The following GDA variants were observed in gnomAD, a reference collection of about 807,000 sequenced individuals.
GDA encodes cytoplasmic PSD-95 interactor.
A neutral mutation model predicts 59.6 loss-of-function variants in GDA; 18 were observed. That is an observed-to-expected ratio of 0.30 (90% CI 0.21 to 0.45). The LOEUF is 0.45. GDA is among the 20% of genes least tolerant of loss of function. The pLI, the probability that GDA is intolerant of heterozygous loss-of-function variation, is 1.00. For missense variants in GDA, 427 were observed against 552.3 expected (o/e 0.77, Z 2.27); for synonymous variants, 201 against 201.1 (o/e 1.00, Z 0.00).
rs184193345 is a variant in GDA, at chr9:72,211,806, G to A, written c.472+1032G>A. On this transcript the variant is annotated intron_variant, in intron 4 of 13. Transcript: ENST00000358399. ...GTTTAACTAGAGGAGTGGATTCATC[G>A]CCTGGGGGCAGTGGGAGAAGAGGGT... is the stretch of plus-strand genomic sequence containing the variant. Among the ~76,000 whole-genome samples the A allele has an allele frequency of 8.5e-5, 13 of 152,312 alleles. No individual in the cohort carries two copies. In the East Asian group the frequency reaches 9.7e-4, roughly 11 times the overall value.
rs766409313 is a variant in GDA, at chr9:72,245,206, C to T, written c.1194C>T (p.Ile398=). ...AAGTGGGCAAGGAATTTGATGCCATCCTGATCAACCCCAAAGCATCCGACT... is the reference window on the plus strand; with the variant it reads ...AAGTGGGCAAGGAATTTGATGCCATTCTGATCAACCCCAAAGCATCCGACT... ...NFEVGKEFDA[I]LINPKASDSP... Residue 398 remains isoleucine (I), a synonymous_variant, in exon 12 of 14, where the codon ATC becomes ATT. Transcript: ENST00000358399. 4.3e-6 allele frequency: 7 copies of T among 1,611,948 alleles called. No individual in the cohort carries two copies. In the African/African-American group the frequency reaches 9.4e-5, roughly 22 times the overall value.
At chr9:72,252,430 T>C (rs1840766153), downstream of GDA, among the ~76,000 whole-genome samples, 1 of 152,190 alleles carries the variant, frequency 6.6e-6, no homozygotes, top group Non-Finnish European at 1.5e-5. Context: ...ATGTTCAGCC[T>C]TTTAGAAGCA....
Position 72,203,757 on chromosome 9 carries a change from T to C in GDA, c.384+1015T>C, listed in dbSNP as rs79867186. ...TCCACATCAACTGACCTAACCATCT[T>C]GCCAGTTTTTTTGGTCTTGCATCAT... On this transcript the variant is annotated intron_variant, in intron 3 of 13. Coordinates refer to ENST00000358399, the MANE Select transcript of GDA (RefSeq NM_004293.5). Among the ~76,000 whole-genome samples, 13 of 152,224 alleles carry C rather than the reference T, an allele frequency of 8.5e-5. No homozygotes were observed. In the East Asian group the frequency reaches 2.1e-3, roughly 25 times the overall value.
chr9:72,118,273 C>CAAAAAAAAAAAAA (rs373179585), intron 1 of GDA, among the ~76,000 whole-genome samples: 5 of 66,152 alleles, frequency 7.6e-5, no homozygotes, highest in African/African-American at 3.4e-4. Context: ...GACTCCACCT[C>CAAAAAAAAAAAAA]AAAAAAAAAA....
intron 6 of GDA, among the ~76,000 whole-genome samples, chr9:72,221,326 T>C (rs771582043): frequency 1.8e-4 from 28 of 152,208 alleles, no homozygotes; most frequent in Non-Finnish European, 3.8e-4. Flanking sequence ...AGAGCCTTAA[T>C]GTGGTGGCAG....
chr9:72,148,227 T>TAAACATGTATGGAA (rs2130680039), upstream of GDA, among the ~76,000 whole-genome samples: 1 of 152,200 alleles, frequency 6.6e-6, no homozygotes, highest in East Asian at 1.9e-4. Flanking sequence ...ATTTATTCAA[T>TAAACATGTATGGAA]AAACATGTAT....
chr9:72,161,818 C>T lies in GDA; in HGVS notation c.123+12136C>T, dbSNP rs73484242. Among the ~76,000 whole-genome samples, 559 of 152,246 alleles carry T rather than the reference C, an allele frequency of 3.7e-3. 8 individuals carry two copies. Among genetic ancestry groups the T allele is most frequent in the African/African-American group, 0.013 (528 of 41,530 alleles). Reference sequence around the variant, plus strand: ...TAGTACTTTACACAGAGCTTTTGCACAAAATTAGCATTCAATGCATGCTTT... The same window carrying T: ...TAGTACTTTACACAGAGCTTTTGCATAAAATTAGCATTCAATGCATGCTTT... On this transcript the variant is annotated intron_variant, in intron 1 of 13. Transcript: ENST00000358399.
chr9:72,190,214 G>T (rs1443356468), intron 1 of GDA, among the ~76,000 whole-genome samples: 2 of 151,994 alleles, frequency 1.3e-5, no homozygotes. Flanking sequence ...TGCAACCTCC[G>T]CCTCCCAGGT....
intron 1 of GDA, among the ~76,000 whole-genome samples, chr9:72,156,363 C>T (rs1827889544): frequency 6.6e-6 from 1 of 152,174 alleles, no homozygotes; most frequent in Admixed American, 6.5e-5. Flanking sequence ...ACCAGAAGTT[C>T]TCTCAGTCTA....
At chr9:72,192,806 C>T (rs1450995544) in intron 1 of GDA, among the ~76,000 whole-genome samples, 2 of 151,658 alleles carry the variant, frequency 1.3e-5, no homozygotes, top group African/African-American at 2.4e-5. Context: ...CTTGAACCCA[C>T]GAGGTGGAGG....
downstream of GDA, among the ~76,000 whole-genome samples, chr9:72,255,500 G>A (rs1840863130): frequency 6.6e-6 from 1 of 152,158 alleles, no homozygotes; most frequent in African/African-American, 2.4e-5. Context: ...GTTTTGGTCA[G>A]CAAGGTTGTG....
In GDA at chr9:72,251,587, G is replaced by A. The variant is rs2131894280; in HGVS notation, c.*3245G>A. On this transcript the variant is annotated 3_prime_UTR_variant, in exon 14 of 14. Coordinates refer to ENST00000358399, the MANE Select transcript of GDA (RefSeq NM_004293.5). ...ATGGGTAAACTAAGAAGTGTTATAG[G>A]CAATGACTTGAAATGGTTTTTAAAT... 6.6e-6 allele frequency: 1 copy of A among 152,190 alleles called. No individual in the cohort carries two copies. Among genetic ancestry groups the A allele is most frequent in the South Asian group, 2.1e-4 (1 of 4,828 alleles). 9.4% of individuals were successfully genotyped at this position (152,190 alleles called of 1,614,324 possible). A position where few individuals can be genotyped will look rare whatever the true frequency, so the allele number is the denominator to read the frequency against.
At chr9:72,128,977 T>TTG (rs1178173025) in intron 1 of GDA, among the ~76,000 whole-genome samples, 1 of 152,074 alleles carries the variant, frequency 6.6e-6, no homozygotes, top group Non-Finnish European at 1.5e-5. Flanking sequence ...TTTTCTTTTT[T>TTG]TTTTTGACAG....
intron 1 of GDA, among the ~76,000 whole-genome samples, chr9:72,177,579 A>G (rs1217071031): frequency 2.0e-5 from 3 of 152,136 alleles, no homozygotes; most frequent in Non-Finnish European, 2.9e-5. Flanking sequence ...ACTTTTGCAA[A>G]AGAAAAAAAA....
intron 1 of GDA, among the ~76,000 whole-genome samples, chr9:72,134,059 CG>C (rs1471331590): frequency 6.6e-6 from 1 of 151,988 alleles, no homozygotes; most frequent in East Asian, 1.9e-4. Context: ...GGACAAACAT[CG>C]GGAGGATCAT....
intron 2 of GDA, among the ~76,000 whole-genome samples, chr9:72,201,324 A>G (rs1325069530): frequency 6.6e-6 from 1 of 152,094 alleles, no homozygotes; most frequent in African/African-American, 2.4e-5. Context: ...GAGATGATGT[A>G]TGTAGAACGC....
chr9:72,247,394 T>G lies in GDA; in HGVS notation c.1267-12T>G. ...AATGAGTCTTTCTTATTACTTTTAT[T>G]TTCCATTTTAGGCTGTTATCCAGAA... On this transcript the variant is annotated splice_polypyrimidine_tract_variant and intron_variant, in intron 12 of 13. Coordinates refer to ENST00000358399, the MANE Select transcript of GDA (RefSeq NM_004293.5). 1 of 1,456,896 alleles carries G rather than the reference T, an allele frequency of 6.9e-7. No homozygotes were observed. Among genetic ancestry groups the G allele is most frequent in the East Asian group, 2.3e-5 (1 of 44,164 alleles). The allele number at this position is 1,456,896 out of a possible 1,614,324, so 90.2% of individuals were successfully genotyped here. A position where few individuals can be genotyped will look rare whatever the true frequency, so the allele number is the denominator to read the frequency against.
In GDA at chr9:72,239,159, C is replaced by T. The variant is rs1373628298; in HGVS notation, c.989-1993C>T. On this transcript the variant is annotated intron_variant, in intron 10 of 13. Transcript: ENST00000358399. ...GCAAGTTACTGTCACAGTGGAAATC[C>T]CTGGAAAAAAAGGCTTGACTCTTAC... Among the ~76,000 whole-genome samples, 3 of 152,062 alleles carry T rather than the reference C, an allele frequency of 2.0e-5. No homozygotes were observed. In the East Asian group the frequency reaches 5.8e-4, roughly 29 times the overall value.
intron 11 of GDA, 119 bp from the exon 12 acceptor site, chr9:72,245,029 G>A (rs1839997586): frequency 1.2e-6 from 1 of 824,202 alleles, no homozygotes; most frequent in Non-Finnish European, 2.0e-6. Context: ...TCACTGTTAA[G>A]ATACTAATTT....
Sources: allele counts gnomAD v4.1 joint callset (sites outside exome capture counted in the v4.1 genomes callset), GRCh38; gene constraint gnomAD v4.1.1; transcripts MANE v1.5; gene names NCBI Gene and HGNC (gene_info 2026-07-23, HGNC 2026-07-21).